CDS2: variants seen among roughly 807,000 people sequenced by gnomAD.
The protein encoded by CDS2 is CDP-diacylglycerol synthase 2, also known as phosphatidate cytidylyltransferase 2.
Under a neutral mutation model 59.0 loss-of-function variants are expected in CDS2, and 47 were observed. The observed-to-expected ratio is 0.80, with a 90% CI of 0.63 to 1.02. The LOEUF is 1.02. Among genes scored for constraint, CDS2 ranks in the 50% least tolerant of loss-of-function variants. The pLI is 0.00. For missense variants in CDS2, 356 were observed against 558.9 expected (o/e 0.64, Z 3.66); for synonymous variants, 207 against 206.4 (o/e 1.00, Z -0.02).
intron 3 of CDS2, chr20:5,175,556 G>C: frequency 3.4e-6 from 1 of 292,952 alleles, no homozygotes; most frequent in Non-Finnish European, 6.6e-6. Context: ...GTGAGGCTGA[G>C]GTGGGCGGAT....
intron 12 of CDS2, 131 bp downstream of exon 12, chr20:5,189,969 G>C (rs1298069867): frequency 7.2e-7 from 1 of 1,383,240 alleles, no homozygotes; most frequent in East Asian, 2.3e-5. Flanking sequence ...TCTGCTTACA[G>C]ATTTTCTGAG....
chr20:5,146,671 T>A (rs2090746241), intron 1 of CDS2, among the ~76,000 whole-genome samples: 1 of 152,248 alleles, frequency 6.6e-6, no homozygotes, highest in Admixed American at 6.5e-5. Context: ...ACTACCACTT[T>A]GCGTTTATAA....
At chr20:5,137,962 C>T in intron 1 of CDS2, among the ~76,000 whole-genome samples, 1 of 151,572 alleles carries the variant, frequency 6.6e-6, no homozygotes, top group East Asian at 2.0e-4. Flanking sequence ...CCATGCCCAG[C>T]TAATTTGCAT....
chr20:5,166,218 A>C (rs1306866148), intron 1 of CDS2, among the ~76,000 whole-genome samples: 1 of 152,202 alleles, frequency 6.6e-6, no homozygotes, highest in African/African-American at 2.4e-5. Context: ...AGTGGATGCA[A>C]CTGAAAGCTG....
Position 5,186,815 on chromosome 20 carries a change from G to A in CDS2, c.957G>A (p.Gly319=). 6.2e-7 allele frequency: 1 copy of A among 1,614,166 alleles called. No homozygotes were observed. Among genetic ancestry groups the A allele is most frequent in the Non-Finnish European group, 8.5e-7 (1 of 1,180,012 alleles). The change falls in exon 10 of 13, where the codon GGG becomes GGA. Residue 319 remains glycine (G), a synonymous_variant. Transcript: ENST00000460006. ...LFRLQEYNIP[G]VIQSVIGWKT... ...GCCTGCAGGAGTACAACATTCCTGG[G>A]GTGATCCAGTCAGTCATTGGCTGGG...
At chr20:5,167,440 C>T (rs973973624) in intron 1 of CDS2, among the ~76,000 whole-genome samples, 1 of 152,116 alleles carries the variant, frequency 6.6e-6, no homozygotes, top group Non-Finnish European at 1.5e-5. Context: ...GACAATTGAA[C>T]TTGTCAAATG....
intron 1 of CDS2, among the ~76,000 whole-genome samples, chr20:5,165,716 C>T (rs1276210216): frequency 2.0e-5 from 3 of 151,916 alleles, no homozygotes; most frequent in African/African-American, 7.3e-5. Flanking sequence ...GGGGAGCACT[C>T]CTAAGGAAGG....
At chr20:5,160,377 G>C (rs1354968153) in intron 1 of CDS2, among the ~76,000 whole-genome samples, 1 of 152,080 alleles carries the variant, frequency 6.6e-6, no homozygotes, top group Non-Finnish European at 1.5e-5. Context: ...GGTGGTGTTG[G>C]GGGTTCTAGC....
In CDS2 at chr20:5,196,308, A is replaced by G. The variant is rs753840374; in HGVS notation, c.*6074A>G. The stretch of plus-strand genomic sequence containing the variant: ...TGCCTTGCCTGGTGCTTCCTCCCTC[A>G]TTGTGTTGTTGAATAGACCTAGGCA... On this transcript the variant is annotated 3_prime_UTR_variant, in exon 13 of 13. Transcript: ENST00000460006. 6.6e-6 allele frequency: 1 copy of G among 151,728 alleles called. No homozygotes were observed. Among genetic ancestry groups the G allele is most frequent in the Non-Finnish European group, 1.5e-5 (1 of 67,984 alleles). 9.4% of individuals were successfully genotyped at this position (151,728 alleles called of 1,614,324 possible).
At chr20:5,175,576 A>G (rs1763637535) in intron 3 of CDS2, 3 of 260,848 alleles carry the variant, frequency 1.2e-5, no homozygotes, top group Admixed American at 5.1e-5. Flanking sequence ...TCACGAGGTC[A>G]GGAGTTTGAG....
intron 10 of CDS2, among the ~76,000 whole-genome samples, chr20:5,188,142 TGGAA>T (rs1318973011): frequency 6.6e-6 from 1 of 152,130 alleles, no homozygotes; most frequent in African/African-American, 2.4e-5. Context: ...TGTCTACATT[TGGAA>T]GATTTACATA....
In CDS2 at chr20:5,127,163, C is replaced by A. The variant is rs13043456; in HGVS notation, c.57+14C>A. 0.024 allele frequency: 34,995 copies of A among 1,485,002 alleles called. 2,708 individuals carry two copies. In the African/African-American group the frequency reaches 0.27, roughly 11 times the overall value. 92.0% of individuals were successfully genotyped at this position (1,485,002 alleles called of 1,614,324 possible). ...CCCGAGGACAAGGTAGCGGCAGCGT[C>A]GGGGTGGGCGCGGCCGGGACAGCGG... On this transcript the variant is annotated intron_variant, in intron 1 of 12. Transcript: ENST00000460006.
chr20:5,141,488 C>T (rs2090693424), intron 1 of CDS2, among the ~76,000 whole-genome samples: 4 of 152,172 alleles, frequency 2.6e-5, no homozygotes, highest in Admixed American at 2.6e-4. Context: ...GGGACAGAAG[C>T]TCTTGCACTG....
intron 7 of CDS2, among the ~76,000 whole-genome samples, chr20:5,183,521 A>G (rs1294751924): frequency 6.6e-6 from 1 of 152,254 alleles, no homozygotes; most frequent in Non-Finnish European, 1.5e-5. Flanking sequence ...ACTAAAAGTC[A>G]TGAAGAAGAA....
At position 5,193,684 on chromosome 20, in the gene CDS2, C is replaced by T. The variant is rs578019512; in HGVS notation, c.*3450C>T. On this transcript the variant is annotated 3_prime_UTR_variant, in exon 13 of 13. Transcript: ENST00000460006. ...GGTTCATCTCCACTATTGACAGAGTCGGGTAGTGGGAGAGTATAAGTGACT... is the reference window on the plus strand; with the variant it reads ...GGTTCATCTCCACTATTGACAGAGTTGGGTAGTGGGAGAGTATAAGTGACT... 33 of 152,240 alleles carry T rather than the reference C, an allele frequency of 2.2e-4. No homozygotes were observed. Among genetic ancestry groups the T allele is most frequent in the Non-Finnish European group, 4.6e-4 (31 of 68,006 alleles). The allele number at this position is 152,240 out of a possible 1,614,324, so 9.4% of individuals were successfully genotyped here. A position where few individuals can be genotyped will look rare whatever the true frequency, so the allele number is the denominator to read the frequency against.
At chr20:5,145,919 A>C (rs535342927) in intron 1 of CDS2, among the ~76,000 whole-genome samples, 3 of 148,556 alleles carry the variant, frequency 2.0e-5, no homozygotes, top group Non-Finnish European at 3.0e-5. Context: ...GACCTCCCAC[A>C]CTCAGTCAAC....
intron 1 of CDS2, among the ~76,000 whole-genome samples, chr20:5,156,422 C>T (rs1007305014): frequency 1.3e-5 from 2 of 152,096 alleles, no homozygotes; most frequent in African/African-American, 4.8e-5. Context: ...TGAAAGTTTG[C>T]ACTGGAGCTT....
intron 1 of CDS2, among the ~76,000 whole-genome samples, chr20:5,166,249 A>T (rs1306044352): frequency 6.6e-6 from 1 of 152,102 alleles, no homozygotes; most frequent in African/African-American, 2.4e-5. Flanking sequence ...AGCATGAACA[A>T]GCTTGGTGAC....
At chr20:5,160,108 G>A (rs1400829644) in intron 1 of CDS2, among the ~76,000 whole-genome samples, 2 of 152,172 alleles carry the variant, frequency 1.3e-5, no homozygotes, top group Non-Finnish European at 1.5e-5. Flanking sequence ...TTGATGCTGC[G>A]AGAATCACAA....
Sources: allele counts gnomAD v4.1 joint callset (sites outside exome capture counted in the v4.1 genomes callset), GRCh38; gene constraint gnomAD v4.1.1; transcripts MANE v1.5; gene names NCBI Gene and HGNC (gene_info 2026-07-23, HGNC 2026-07-21).